C1QTNF7: variants seen among roughly 807,000 people sequenced by gnomAD.
C1QTNF7 encodes the protein complement C1q tumor necrosis factor-related protein 7.
A neutral mutation model predicts 19.6 loss-of-function variants in C1QTNF7; 15 were observed. The observed-to-expected ratio is 0.76, with a 90% CI of 0.51 to 1.18. C1QTNF7 has a LOEUF of 1.18. Among genes scored for constraint, C1QTNF7 ranks in the 50% most tolerant of loss-of-function variants. The probability of loss-of-function intolerance (pLI) is 0.00; values close to 1 mark genes in which losing one functional copy is unlikely to be tolerated. For synonymous variants in C1QTNF7, 142 were observed against 137.5 expected (o/e 1.03, Z -0.23); for missense variants, 324 against 359.7 (o/e 0.90, Z 0.80).
upstream of C1QTNF7, among the ~76,000 whole-genome samples, chr4:15,424,191 A>C (rs1224488416): frequency 2.0e-5 from 3 of 152,116 alleles, no homozygotes; most frequent in East Asian, 3.9e-4. Context: ...GACAAATCTC[A>C]ATCAAATTTT....
intron 1 of C1QTNF7, among the ~76,000 whole-genome samples, chr4:15,419,077 G>C (rs1711604126): frequency 6.6e-6 from 1 of 152,308 alleles, no homozygotes; most frequent in East Asian, 1.9e-4. Flanking sequence ...AGGGACAAAA[G>C]GTGCCTGGCT....
upstream of C1QTNF7, among the ~76,000 whole-genome samples, chr4:15,427,255 A>AT (rs1175886104): frequency 6.6e-6 from 1 of 152,088 alleles, no homozygotes; most frequent in Non-Finnish European, 1.5e-5. Flanking sequence ...TAAAAACAAG[A>AT]TTTTTTTCAG....
chr4:15,350,330 A>AGAAGGAAGGAAGGAAGGGAAGAAGGAAG (rs1553884473), intron 1 of C1QTNF7, among the ~76,000 whole-genome samples: 14,879 of 43,688 alleles, frequency 0.34, 3,930 homozygotes, highest in African/African-American at 0.51. Context: ...GAAGGAGGAA[A>AGAAGGAAGGAAGGAAGGGAAGAAGGAAG]GAAAGGAGGG....
At chr4:15,418,778 GAATGCAAAGAAT>G (rs1711590906) in intron 1 of C1QTNF7, among the ~76,000 whole-genome samples, 1 of 152,218 alleles carries the variant, frequency 6.6e-6, no homozygotes, top group African/African-American at 2.4e-5. Context: ...TCCATCTGAA[GAATGCAAAGAAT>G]AATAACAGTA....
rs114932982 is a variant in C1QTNF7 at position 15,368,069 on chromosome 4, C to G, written c.13+27862C>G. On this transcript the variant is annotated intron_variant, in intron 1 of 2. Transcript: ENST00000295297. ...TTGAAGTTTTTCTCTCTTTCTGTCC[C>G]TGACCTCATGCAACCACTTATCTGA... 2.3e-3 allele frequency among the ~76,000 whole-genome samples: 345 copies of G among 152,264 alleles called. 3 individuals carry two copies. The highest frequency in any genetic ancestry group is 8.0e-3 in the African/African-American group (332 of 41,556).
intron 1 of C1QTNF7, among the ~76,000 whole-genome samples, chr4:15,347,220 A>G (rs190634082): frequency 6.6e-6 from 1 of 152,138 alleles, no homozygotes; most frequent in Admixed American, 6.5e-5. Flanking sequence ...TATCCAAGCT[A>G]TCAATCTCAC....
intron 1 of C1QTNF7, among the ~76,000 whole-genome samples, chr4:15,348,283 G>A (rs1330662901): frequency 6.6e-6 from 1 of 152,140 alleles, no homozygotes; most frequent in Admixed American, 6.5e-5. Flanking sequence ...CAATTTCAGT[G>A]GAGATGAAAG....
chr4:15,395,585 C>T (rs1419748448), intron 1 of C1QTNF7, among the ~76,000 whole-genome samples: 2 of 152,118 alleles, frequency 1.3e-5, no homozygotes, highest in African/African-American at 2.4e-5. Context: ...TACTCAGACT[C>T]GTAACTCAGA....
chr4:15,351,682 A>C (rs959140565), intron 1 of C1QTNF7, among the ~76,000 whole-genome samples: 1 of 152,200 alleles, frequency 6.6e-6, no homozygotes, highest in African/African-American at 2.4e-5. Flanking sequence ...AGGTGATTCT[A>C]ATATGCAGCC....
intron 1 of C1QTNF7, among the ~76,000 whole-genome samples, chr4:15,372,563 A>G (rs1284356606): frequency 6.6e-6 from 1 of 152,260 alleles, no homozygotes; most frequent in Non-Finnish European, 1.5e-5. Flanking sequence ...CAGATGATAG[A>G]GTGCAAATCT....
chr4:15,364,579 A>G (rs1473455699), intron 1 of C1QTNF7, among the ~76,000 whole-genome samples: 2 of 152,234 alleles, frequency 1.3e-5, no homozygotes, highest in African/African-American at 4.8e-5. Context: ...TGCTCTAATA[A>G]GACACGTTTC....
At chr4:15,390,548 G>C (rs1349462168) in intron 1 of C1QTNF7, among the ~76,000 whole-genome samples, 1 of 152,166 alleles carries the variant, frequency 6.6e-6, no homozygotes, top group Non-Finnish European at 1.5e-5. Context: ...AAAGCGAGAT[G>C]GTCCACCTTG....
At chr4:15,427,444 CAT>C (rs1215430023), upstream of C1QTNF7, among the ~76,000 whole-genome samples, 1 of 152,164 alleles carries the variant, frequency 6.6e-6, no homozygotes, top group Non-Finnish European at 1.5e-5. Context: ...GGCACAAAGA[CAT>C]ATTAGTTTTC....
At chr4:15,436,765 G>A (rs1712554981) in intron 2 of C1QTNF7, among the ~76,000 whole-genome samples, 1 of 152,180 alleles carries the variant, frequency 6.6e-6, no homozygotes. Context: ...AACTCTAAAA[G>A]AGGAAGGGAT....
At chr4:15,347,116 G>T (rs761620236) in intron 1 of C1QTNF7, among the ~76,000 whole-genome samples, 1 of 152,122 alleles carries the variant, frequency 6.6e-6, no homozygotes, top group Non-Finnish European at 1.5e-5. Context: ...CAATTTATGT[G>T]CCAGGCTCTT....
intron 1 of C1QTNF7, among the ~76,000 whole-genome samples, chr4:15,414,992 A>C (rs1719542450): frequency 6.6e-6 from 1 of 152,250 alleles, no homozygotes; most frequent in African/African-American, 2.4e-5. Flanking sequence ...ACCAAACATC[A>C]TAAAACATGA....
intron 1 of C1QTNF7, among the ~76,000 whole-genome samples, chr4:15,393,202 A>G (rs1323108643): frequency 6.6e-6 from 1 of 152,124 alleles, no homozygotes; most frequent in African/African-American, 2.4e-5. Flanking sequence ...GCCTTCCACC[A>G]TGATTGTGAG....
At chr4:15,380,930 G>T (rs1305259683) in intron 1 of C1QTNF7, among the ~76,000 whole-genome samples, 1 of 151,284 alleles carries the variant, frequency 6.6e-6, no homozygotes, top group Admixed American at 6.6e-5. Context: ...GTGAGACTCT[G>T]TCTCAAGAAA....
chr4:15,358,397 C>A (rs947096859), intron 1 of C1QTNF7: 2 of 152,124 alleles, frequency 1.3e-5, no homozygotes, highest in African/African-American at 4.8e-5. Context: ...ATATGTTGAA[C>A]CAGCCTTGCA....
Sources: allele counts gnomAD v4.1 joint callset (sites outside exome capture counted in the v4.1 genomes callset), GRCh38; gene constraint gnomAD v4.1.1; transcripts MANE v1.5; gene names NCBI Gene and HGNC (gene_info 2026-07-23, HGNC 2026-07-21).